Variants in OR2A4 observed in about 807,000 individuals in gnomAD.
OR2A4 encodes the protein olfactory receptor family 2 subfamily A member 4, also known as olfactory receptor 2A4.
For synonymous variants in OR2A4, 71 were observed against 126.7 expected, an observed-to-expected ratio of 0.56 and a Z score of 2.95; for missense variants, 152 against 313.2, an observed-to-expected ratio of 0.49 and a Z score of 3.88.
Position 131,700,608 on chromosome 6 carries a change from T to C in OR2A4, c.794A>G (p.Asn265Ser). 3 of 1,552,772 alleles carry C rather than the reference T, an allele frequency of 1.9e-6. No homozygotes were observed. Among genetic ancestry groups the C allele is most frequent in the Non-Finnish European group, 2.6e-6 (3 of 1,164,498 alleles). The change falls in exon 1 of 1, where the codon AAC becomes AGC. Residue 265 changes from asparagine (N) to serine (S), a missense_variant. Asn to Ser is a conservative substitution (Grantham distance 46, BLOSUM62 1). Coordinates refer to ENST00000315453, the MANE Select transcript of OR2A4 (RefSeq NM_030908.2). ...GAGATATTTCTTCTGCTCCTTGGGG[T>C]TCCCATATCTGGGTCCAACATACAT... ...IIMYVGPRYG[N>S]PKEQKKYLLL...
At position 131,701,237 on chromosome 6, in the gene OR2A4, G is replaced by C. The variant is rs778552329; in HGVS notation, c.165C>G (p.His55Gln). 1 of 1,383,614 alleles carries C rather than the reference G, an allele frequency of 7.2e-7. No homozygotes were observed. Among genetic ancestry groups the C allele is most frequent in the African/African-American group, 1.9e-5 (1 of 53,826 alleles). The allele number at this position is 1,383,614 out of a possible 1,614,324, so 85.7% of individuals were successfully genotyped here. The change falls in exon 1 of 1, where the codon CAC becomes CAG. Residue 55 changes from histidine (H) to glutamine (Q), a missense_variant. Physicochemically the swap from His to Gln is conservative, Grantham distance 24. Transcript: ENST00000315453. ...LGLISLDSRL[H>Q]APMYFFLSHL... ...GTGAGAGGAAGAAGTACATGGGGGCGTGCAGTCTGGAGTCCAGTGAGATGA... is the reference window on the plus strand; with the variant it reads ...GTGAGAGGAAGAAGTACATGGGGGCCTGCAGTCTGGAGTCCAGTGAGATGA...
At position 131,701,081 on chromosome 6, in the gene OR2A4, A is replaced by C; in HGVS notation, c.321T>G (p.Ala107=). ...CCACCAGGAGGAGACATTCTGTGACAGCAAAAGTGGAAAACAGAAAGGTCT... is the reference window on the plus strand; with the variant it reads ...CCACCAGGAGGAGACATTCTGTGACCGCAAAAGTGGAAAACAGAAAGGTCT... ...MMQTFLFSTF[A]VTECLLLVVM... The change falls in exon 1 of 1, where the codon GCT becomes GCG. Residue 107 remains alanine, a synonymous_variant. Coordinates refer to ENST00000315453, the MANE Select transcript of OR2A4 (RefSeq NM_030908.2). The C allele has an allele frequency of 1.8e-6, 1 of 561,554 alleles. No individual in the cohort carries two copies. Among genetic ancestry groups the C allele is most frequent in the South Asian group, 2.0e-5 (1 of 50,348 alleles). 34.8% of individuals were successfully genotyped at this position (561,554 alleles called of 1,614,324 possible). A position where few individuals can be genotyped will look rare whatever the true frequency, so the allele number is the denominator to read the frequency against.
chr6:131,701,063 G>T lies in OR2A4; in HGVS notation c.339C>A (p.Leu113=). ...FSTFAVTECL[L]LVVMSYDLYV... is the part of the protein sequence containing the mutation. ...ACAGATCATAGGACATCACCACCAG[G>T]AGGAGACATTCTGTGACAGCAAAAG... Residue 113 remains leucine (L), a synonymous_variant, in exon 1 of 1, where the codon CTC becomes CTA. Coordinates refer to ENST00000315453, the MANE Select transcript of OR2A4 (RefSeq NM_030908.2). 1 of 544,082 alleles carries T rather than the reference G, an allele frequency of 1.8e-6. No homozygotes were observed. The highest frequency in any genetic ancestry group is 3.1e-6 in the Non-Finnish European group (1 of 326,378). 33.7% of individuals were successfully genotyped at this position (544,082 alleles called of 1,614,324 possible).
Position 131,700,826 on chromosome 6 carries a change from G to A in OR2A4, c.576C>T (p.His192=), listed in dbSNP as rs747612978. 1.5e-6 allele frequency: 2 copies of A among 1,291,052 alleles called. No homozygotes were observed. The highest frequency in any genetic ancestry group is 1.3e-5 in the South Asian group (1 of 77,978). 80.0% of individuals were successfully genotyped at this position (1,291,052 alleles called of 1,614,324 possible). A position where few individuals can be genotyped will look rare whatever the true frequency, so the allele number is the denominator to read the frequency against. Residue 192 remains histidine (H), a synonymous_variant, in exon 1 of 1, where the codon CAC becomes CAT. Coordinates refer to ENST00000315453, the MANE Select transcript of OR2A4 (RefSeq NM_030908.2). The part of the protein sequence containing the change: ...AVLKLACADT[H]INENMVLAGA... The stretch of plus-strand genomic sequence containing the variant: ...CGGCCAAGACCATGTTCTCATTGAT[G>A]TGGGTATCTGCACAGGCAAGTTTGA...
chr6:131,701,191 C>T lies in OR2A4; in HGVS notation c.211G>A (p.Ala71Thr), dbSNP rs374326295. The change falls in exon 1 of 1, where the codon GCC (alanine) becomes ACC (threonine). Residue 71 changes from alanine (A) to threonine (T), a missense_variant. Physicochemically the swap from Ala to Thr is moderately conservative, Grantham distance 58. Transcript: ENST00000315453. The part of the protein sequence containing the change: ...FLSHLAVVDI[A>T]YACNTVPRML... ...CGGGGCACCGTGTTGCAGGCGTAGG[C>T]GATGTCGACGACCGCCAGGTGTGAG... 2.0e-4 allele frequency: 200 copies of T among 1,000,482 alleles called. No individual in the cohort carries two copies. The African/African-American group carries it at 3.9e-3, about 19-fold the overall frequency. The allele number at this position is 1,000,482 out of a possible 1,614,324, so 62.0% of individuals were successfully genotyped here. A position where few individuals can be genotyped will look rare whatever the true frequency, so the allele number is the denominator to read the frequency against.
Position 131,700,852 on chromosome 6 carries a change from G to A in OR2A4, c.550C>T (p.Leu184Phe). 1 of 1,166,920 alleles carries A rather than the reference G, an allele frequency of 8.6e-7. No individual in the cohort carries two copies. The highest frequency in any genetic ancestry group is 1.3e-5 in the South Asian group (1 of 75,294). The allele number at this position is 1,166,920 out of a possible 1,614,324, so 72.3% of individuals were successfully genotyped here. A position where few individuals can be genotyped will look rare whatever the true frequency, so the allele number is the denominator to read the frequency against. ...TGGGTATCTGCACAGGCAAGTTTGAGAACAGCCAAGATTTCACAAAAAAAG... is the reference window on the plus strand; with the variant it reads ...TGGGTATCTGCACAGGCAAGTTTGAAAACAGCCAAGATTTCACAAAAAAAG... ...YHFFCEILAV[L>F]KLACADTHIN... The change falls in exon 1 of 1, where the codon CTC (leucine) becomes TTC (phenylalanine). Residue 184 changes from leucine (L) to phenylalanine (F), a missense_variant. Coordinates refer to ENST00000315453, the MANE Select transcript of OR2A4 (RefSeq NM_030908.2).
Sources: allele counts gnomAD v4.1 joint callset, GRCh38; gene constraint gnomAD v4.1.1; transcripts MANE v1.5; gene names NCBI Gene and HGNC (gene_info 2026-07-23, HGNC 2026-07-21).